The following DMKN variants were observed in gnomAD, a reference collection of about 807,000 sequenced individuals.
DMKN encodes the protein dermokine, also known as epidermis-specific secreted protein SK30/SK89.
In DMKN, 58 loss-of-function variants were observed where a neutral mutation model predicts 67.6. That is an observed-to-expected ratio of 0.86 (90% CI 0.69 to 1.07). DMKN has a LOEUF of 1.07. Ranked by LOEUF, DMKN falls within the 50% of genes least tolerant of loss-of-function variation. The pLI is 0.00. For synonymous variants in DMKN, 240 were observed against 232.3 expected (o/e 1.03, Z -0.30); for missense variants, 596 against 601.5 (o/e 0.99, Z 0.10).
chr19:35,511,926 C>T, intron 3 of DMKN, 113 bp from the exon 4 acceptor site: 1 of 1,248,152 alleles, frequency 8.0e-7, no homozygotes, highest in East Asian at 2.6e-5. Flanking sequence ...TTCCTTTCTC[C>T]TAATGTGTTT....
In DMKN at chr19:35,513,502, A is replaced by G; in HGVS notation, c.-27T>C. ...TCTGCCCAGCCCCCTCTCTCTCCAG[A>G]GTGTCTTCCTCCCACCAGGGTCTCC... is the stretch of plus-strand genomic sequence containing the variant. On this transcript the variant is annotated 5_prime_UTR_variant, in exon 1 of 16. Transcript: ENST00000339686. 1 of 1,577,528 alleles carries G rather than the reference A, an allele frequency of 6.3e-7. No individual in the cohort carries two copies.
rs111882428 is a variant in DMKN at position 35,499,139 on chromosome 19, G to A, written c.1360-242C>T. 1.4e-3 allele frequency: 848 copies of A among 597,962 alleles called. 4 individuals are homozygous for A. In the African/African-American group the frequency reaches 0.014, roughly 10 times the overall value. 37.0% of individuals were successfully genotyped at this position (597,962 alleles called of 1,614,324 possible). A position where few individuals can be genotyped will look rare whatever the true frequency, so the allele number is the denominator to read the frequency against. On this transcript the variant is annotated intron_variant, in intron 13 of 15. Coordinates refer to ENST00000339686, the MANE Select transcript of DMKN (RefSeq NM_033317.5). ...GTTCCTGGGCACGTACTGACCAAGG[G>A]GGTCAAAAGAGCATAGGCCTCGCTT...
intron 7 of DMKN, chr19:35,507,491 A>T: frequency 6.4e-7 from 1 of 1,551,470 alleles, no homozygotes; most frequent in Non-Finnish European, 8.7e-7. Flanking sequence ...CAAGGAGGCG[A>T]TTGCCCTCTT....
chr19:35,512,363 G>C, intron 3 of DMKN, 58 bp downstream of exon 3: 1 of 1,588,266 alleles, frequency 6.3e-7, no homozygotes, highest in Non-Finnish European at 8.6e-7. Flanking sequence ...TCTTTCCCCA[G>C]CTCTCTGTAG....
rs760912680 is a variant in DMKN, at chr19:35,510,169, ACGCCAGCCACTCAC to A, written c.987+1_987+14del. 6.2e-7 allele frequency: 1 copy of A among 1,602,106 alleles called. No homozygotes were observed. Among genetic ancestry groups the A allele is most frequent in the South Asian group, 1.1e-5 (1 of 89,212 alleles). On this transcript the variant is annotated splice_donor_variant and splice_donor_5th_base_variant and intron_variant, in intron 6 of 15. Transcript: ENST00000339686. LOFTEE classifies it high-confidence loss of function. ...CCTTCCCGCGGTTGGTGGGAGATTC[ACGCCAGCCACTCAC>A]CCCGGGTTTATGTCCATTTCCTCCG... is the stretch of plus-strand genomic sequence containing the variant.
rs754675318 is a variant in DMKN at position 35,508,647 on chromosome 19, TC to T, written c.1038+1263del. On this transcript the variant is annotated intron_variant, in intron 7 of 15. Transcript: ENST00000339686. ...TTTTAGTTCTAGCTCATCAATTTCC[TC>T]CTCTCTGTTTTTAACCAGTTTTCCC... 34 of 169,796 alleles carry T rather than the reference TC, an allele frequency of 2.0e-4. 1 individual carries two copies. In the East Asian group the frequency reaches 2.4e-3, roughly 12 times the overall value. The allele number at this position is 169,796 out of a possible 1,614,324, so 10.5% of individuals were successfully genotyped here.
At position 35,513,162 on chromosome 19, in the gene DMKN, G is replaced by A. The variant is rs2071090908; in HGVS notation, c.314C>T (p.Ala105Val). Residue 105 changes from alanine to valine, a missense_variant, in exon 1 of 16, where the codon GCT (alanine) becomes GTT (valine). Physicochemically the swap from Ala to Val is moderately conservative, Grantham distance 64 (BLOSUM62 0). Transcript: ENST00000339686. ...AATCTCGTGCCCAGTGTTTCCCAGA[G>A]CATGGGCTGCTTCCCCGACCCTGTT... ...LGNRVGEAAH[A>V]LGNTGHEIGR... The A allele has an allele frequency of 1.9e-6, 3 of 1,614,208 alleles. No individual in the cohort carries two copies. The highest frequency in any genetic ancestry group is 2.5e-6 in the Non-Finnish European group (3 of 1,180,036).
chr19:35,502,051 G>A, intron 11 of DMKN, 85 bp downstream of exon 11: 1 of 1,606,036 alleles, frequency 6.2e-7, no homozygotes, highest in South Asian at 1.1e-5. Flanking sequence ...GGGAGGGGAA[G>A]AAACTGGGAC....
chr19:35,507,969 G>A (rs1441453894), intron 7 of DMKN: 11 of 519,898 alleles, frequency 2.1e-5, no homozygotes, highest in South Asian at 8.4e-5. Flanking sequence ...GGGCTGAGGC[G>A]GCATAGAGTA....
intron 1 of DMKN, 102 bp from the exon 2 acceptor site, chr19:35,512,892 G>A: frequency 6.6e-7 from 1 of 1,509,142 alleles, no homozygotes; most frequent in East Asian, 2.4e-5. Flanking sequence ...CAGGCAGAGG[G>A]ACTCCAGGGT....
rs181951758 is a variant in DMKN at position 35,506,269 on chromosome 19, C to T, written c.1039-283G>A. On this transcript the variant is annotated intron_variant, in intron 7 of 15. Coordinates refer to ENST00000339686, the MANE Select transcript of DMKN (RefSeq NM_033317.5). ...CCTGTCAACCTGCCCCGGATTGCTT[C>T]ATCCCCACCTCGGTCCAGGCTTCCT... The T allele has an allele frequency of 6.7e-5, 92 of 1,368,206 alleles. 1 individual carries two copies. The East Asian group carries it at 2.1e-3, about 31-fold the overall frequency. The allele number at this position is 1,368,206 out of a possible 1,614,324, so 84.8% of individuals were successfully genotyped here. A position where few individuals can be genotyped will look rare whatever the true frequency, so the allele number is the denominator to read the frequency against.
intron 7 of DMKN, chr19:35,508,072 C>T (rs1938825170): frequency 6.6e-6 from 8 of 1,209,032 alleles, no homozygotes; most frequent in South Asian, 1.4e-5. Flanking sequence ...AGTACTTCCT[C>T]GTTCCCAGAG....
At position 35,500,073 on chromosome 19, in the gene DMKN, G is replaced by C. The variant is rs199729789; in HGVS notation, c.1288-44C>G. ...TGGCGGTTAGAACAGACGGACGAAG[G>C]CCATTTTGCTCTGGAATAAACATCC... On this transcript the variant is annotated intron_variant, in intron 12 of 15. Coordinates refer to ENST00000339686, the MANE Select transcript of DMKN (RefSeq NM_033317.5). 6.9e-5 allele frequency: 111 copies of C among 1,607,790 alleles called. 2 individuals carry two copies. In the East Asian group the frequency reaches 2.3e-3, roughly 33 times the overall value.
chr19:35,501,597 C>A (rs2068373238), intron 11 of DMKN, among the ~76,000 whole-genome samples: 1 of 152,208 alleles, frequency 6.6e-6, no homozygotes, highest in Non-Finnish European at 1.5e-5. Context: ...TCAAAGGCTA[C>A]TGGCCATGCA....
At chr19:35,506,256 C>T (rs1249890691) in intron 7 of DMKN, 17 of 1,426,606 alleles carry the variant, frequency 1.2e-5, no homozygotes, top group Non-Finnish European at 1.6e-5. Context: ...TGTCAACCTG[C>T]CCCGGATTGC....
intron 7 of DMKN, chr19:35,507,096 G>T: frequency 4.9e-6 from 1 of 203,728 alleles, no homozygotes; most frequent in South Asian, 8.9e-5. Context: ...TTATGCTGGT[G>T]CCTGGCCAGA....
At chr19:35,502,736 G>A (rs1375709084) in intron 10 of DMKN, 94 bp downstream of exon 10, 21 of 1,305,700 alleles carry the variant, frequency 1.6e-5, no homozygotes, top group Non-Finnish European at 2.0e-5. Context: ...TTTGAAACAG[G>A]TGGTTGGAGC....
chr19:35,512,410 C>T lies in DMKN; in HGVS notation c.684+11G>A. 4 of 1,614,016 alleles carry T rather than the reference C, an allele frequency of 2.5e-6. No homozygotes were observed. Among genetic ancestry groups the T allele is most frequent in the Non-Finnish European group, 3.4e-6 (4 of 1,179,934 alleles). On this transcript the variant is annotated intron_variant, in intron 3 of 15. Transcript: ENST00000339686. ...TGGCTTCTTCATTTGTTCCCAGCCC[C>T]TTCCTCTTACCCCTTCATTCTGGTT...
At chr19:35,498,105 T>C (rs1599774550) in intron 15 of DMKN, 1 of 154,696 alleles carries the variant, frequency 6.5e-6, no homozygotes, top group East Asian at 1.9e-4. Context: ...TACAGGCATG[T>C]GTCACCATGC....
Sources: allele counts gnomAD v4.1 joint callset (sites outside exome capture counted in the v4.1 genomes callset), GRCh38; gene constraint gnomAD v4.1.1; transcripts MANE v1.5; gene names NCBI Gene and HGNC (gene_info 2026-07-23, HGNC 2026-07-21).